The following DLG2 variants were observed in gnomAD, a reference collection of about 807,000 sequenced individuals.
DLG2 encodes disks large homolog 2.
A neutral mutation model predicts 132.5 loss-of-function variants in DLG2; 45 were observed. The ratio of observed to expected loss-of-function variants is 0.34; its 90% CI spans 0.27 to 0.44. The LOEUF is 0.44. Among genes scored for constraint, DLG2 ranks in the 20% least tolerant of loss-of-function variants. The probability of loss-of-function intolerance (pLI) is 1.00; values close to 1 mark genes in which losing one functional copy is unlikely to be tolerated. For synonymous variants in DLG2, 424 were observed against 419.6 expected (o/e 1.01, Z -0.13); for missense variants, 1,045 against 1,196.9 (o/e 0.87, Z 1.87).
At chr11:85,079,620 T>C (rs2066990026) in intron 6 of DLG2, among the ~76,000 whole-genome samples, 1 of 152,086 alleles carries the variant, frequency 6.6e-6, no homozygotes, top group Non-Finnish European at 1.5e-5. Flanking sequence ...GGGTCTATCC[T>C]GTCCCTTGGT....
intron 3 of DLG2, among the ~76,000 whole-genome samples, chr11:85,592,792 A>G (rs2079453086): frequency 1.3e-5 from 2 of 152,024 alleles, no homozygotes; most frequent in South Asian, 4.1e-4. Flanking sequence ...TTCCGCAAAA[A>G]AAATTCAAAA....
intron 6 of DLG2, among the ~76,000 whole-genome samples, chr11:84,751,786 T>C (rs1215186729): frequency 2.0e-5 from 3 of 152,212 alleles, no homozygotes; most frequent in African/African-American, 7.2e-5. Context: ...AGCAATCTTA[T>C]GTTTTAAAGT....
At chr11:85,321,617 T>C (rs1023820465) in intron 3 of DLG2, among the ~76,000 whole-genome samples, 4 of 151,894 alleles carry the variant, frequency 2.6e-5, no homozygotes, top group African/African-American at 9.7e-5. Context: ...AAGATCTAGG[T>C]AAGATGACTA....
At chr11:84,517,160 C>A (rs1290578084) in intron 7 of DLG2, among the ~76,000 whole-genome samples, 2 of 149,166 alleles carry the variant, frequency 1.3e-5, no homozygotes, top group Non-Finnish European at 3.0e-5. Context: ...AATGGGACTG[C>A]ATCAAACTAA....
intron 6 of DLG2, among the ~76,000 whole-genome samples, chr11:84,587,432 A>AT (rs1179498815): frequency 5.3e-5 from 8 of 152,240 alleles, no homozygotes. Context: ...ATTTATTATC[A>AT]TTTTTTACTA....
At chr11:83,535,149 A>C (rs1329040258) in intron 20 of DLG2, among the ~76,000 whole-genome samples, 1 of 152,208 alleles carries the variant, frequency 6.6e-6, no homozygotes, top group Admixed American at 6.5e-5. Context: ...TTTTAATCCA[A>C]GGGCAAATGA....
chr11:84,486,239 C>A (rs2099150542), intron 7 of DLG2, among the ~76,000 whole-genome samples: 1 of 151,896 alleles, frequency 6.6e-6, no homozygotes, highest in South Asian at 2.1e-4. Flanking sequence ...GTGAGTAGGC[C>A]CTCTAAGAGA....
intron 4 of DLG2, among the ~76,000 whole-genome samples, chr11:85,244,183 T>C (rs1565207653): frequency 6.6e-6 from 1 of 152,162 alleles, no homozygotes; most frequent in East Asian, 1.9e-4. Context: ...CCAAAGTTTC[T>C]ACTGCATTAT....
intron 7 of DLG2, among the ~76,000 whole-genome samples, chr11:84,357,868 A>G (rs2098626700): frequency 6.6e-6 from 1 of 151,994 alleles, no homozygotes; most frequent in African/African-American, 2.4e-5. Context: ...AGTAGGTAAG[A>G]GTCTCAAATT....
upstream of DLG2, chr11:85,627,639 C>T (rs2082098492): frequency 6.6e-6 from 1 of 152,254 alleles, no homozygotes; most frequent in Admixed American, 6.5e-5. Flanking sequence ...AGTGCAGCTG[C>T]TTGGCTTTCA....
chr11:84,160,133 G>A (rs1279323459), intron 9 of DLG2, among the ~76,000 whole-genome samples: 1 of 152,190 alleles, frequency 6.6e-6, no homozygotes, highest in Non-Finnish European at 1.5e-5. Flanking sequence ...TCAGAATTGG[G>A]AGTCATCAGT....
chr11:84,478,639 C>A (rs1299745047), intron 7 of DLG2, among the ~76,000 whole-genome samples: 2 of 152,040 alleles, frequency 1.3e-5, no homozygotes, highest in East Asian at 1.9e-4. Context: ...ATTTTGATAA[C>A]AGAAGGAAAC....
At chr11:85,501,212 C>T (rs919078261) in intron 3 of DLG2, among the ~76,000 whole-genome samples, 4 of 152,064 alleles carry the variant, frequency 2.6e-5, no homozygotes, top group Non-Finnish European at 5.9e-5. Flanking sequence ...AACTGGCTAG[C>T]CATATGCAGA....
At chr11:85,180,195 AAC>A (rs889578683) in intron 4 of DLG2, among the ~76,000 whole-genome samples, 2 of 151,994 alleles carry the variant, frequency 1.3e-5, no homozygotes, top group East Asian at 3.9e-4. Context: ...AGTTTGATTA[AAC>A]ACACACACAC....
chr11:84,142,968 T>G (rs1301472701), intron 9 of DLG2, among the ~76,000 whole-genome samples: 1 of 152,114 alleles, frequency 6.6e-6, no homozygotes, highest in Non-Finnish European at 1.5e-5. Flanking sequence ...ATTCTTTTTC[T>G]CTGGAGACTC....
intron 7 of DLG2, among the ~76,000 whole-genome samples, chr11:84,366,185 A>C (rs1194182344): frequency 2.0e-5 from 3 of 152,120 alleles, no homozygotes; most frequent in Non-Finnish European, 4.4e-5. Context: ...AAGAATTTTC[A>C]ACCCAGAATT....
At chr11:84,381,680 C>T (rs2098749522) in intron 7 of DLG2, among the ~76,000 whole-genome samples, 1 of 152,140 alleles carries the variant, frequency 6.6e-6, no homozygotes, top group Non-Finnish European at 1.5e-5. Context: ...CTATTTCCTC[C>T]TCCCTCCTAA....
At chr11:84,110,279 T>C (rs2093267661) in intron 9 of DLG2, among the ~76,000 whole-genome samples, 1 of 152,184 alleles carries the variant, frequency 6.6e-6, no homozygotes, top group African/African-American at 2.4e-5. Flanking sequence ...TAACCTGCCA[T>C]TCAGCTTTTA....
chr11:84,728,976 T>C (rs899251141), intron 6 of DLG2, among the ~76,000 whole-genome samples: 3 of 152,100 alleles, frequency 2.0e-5, no homozygotes, highest in Non-Finnish European at 4.4e-5. Context: ...TTGATTCTTC[T>C]CTCTTTTCTT....
Sources: allele counts gnomAD v4.1 joint callset (sites outside exome capture counted in the v4.1 genomes callset), GRCh38; gene constraint gnomAD v4.1.1; transcripts MANE v1.5; gene names NCBI Gene and HGNC (gene_info 2026-07-23, HGNC 2026-07-21).